MAD1L1: variants seen among roughly 807,000 people sequenced by gnomAD.
MAD1L1 encodes mitotic spindle assembly checkpoint protein MAD1.
A neutral mutation model predicts 96.9 loss-of-function variants in MAD1L1; 95 were observed. The observed-to-expected ratio is 0.98, with a 90% CI of 0.83 to 1.16. MAD1L1 has a LOEUF of 1.16. Ranked by LOEUF, MAD1L1 falls within the 50% of genes most tolerant of loss-of-function variation. The probability of loss-of-function intolerance (pLI) is 0.00; values close to 1 mark genes in which losing one functional copy is unlikely to be tolerated. For missense variants in MAD1L1, 1,007 were observed against 954.4 expected, an observed-to-expected ratio of 1.06 and a Z score of -0.73; for synonymous variants, 473 against 396.6, an observed-to-expected ratio of 1.19 and a Z score of -2.29.
intron 3 of MAD1L1, among the ~76,000 whole-genome samples, chr7:2,228,997 T>C (rs1794058413): frequency 6.6e-6 from 1 of 152,188 alleles, no homozygotes; most frequent in Admixed American, 6.5e-5. Flanking sequence ...CCTCCCAAAG[T>C]GCTGGGATTA....
chr7:2,036,752 G>A (rs1783454006), intron 12 of MAD1L1, among the ~76,000 whole-genome samples: 1 of 152,124 alleles, frequency 6.6e-6, no homozygotes, highest in Non-Finnish European at 1.5e-5. Flanking sequence ...CAGAGGTGCT[G>A]TAAAGACTCA....
chr7:2,138,091 C>T (rs1269012949), intron 11 of MAD1L1, among the ~76,000 whole-genome samples: 1 of 152,246 alleles, frequency 6.6e-6, no homozygotes, highest in Non-Finnish European at 1.5e-5. Flanking sequence ...CAGGGCTGCA[C>T]CCACGCTGCG....
intron 6 of MAD1L1, 35 bp downstream of exon 6, chr7:2,219,297 C>A: frequency 6.5e-7 from 1 of 1,532,818 alleles, no homozygotes; most frequent in South Asian, 1.2e-5. Context: ...CCACACGTGA[C>A]CCGACCCCCG....
In MAD1L1 at chr7:1,888,212, A is replaced by T. The variant is rs557066272; in HGVS notation, c.1998+9988T>A. On this transcript the variant is annotated intron_variant, in intron 18 of 18. Transcript: ENST00000265854. ...CATGCATGTATGTGGCTGCCTGTGC[A>T]TGTGTGTGCATGCATGCATGTATGT... Among the ~76,000 whole-genome samples, 6 of 136,642 alleles carry T rather than the reference A, an allele frequency of 4.4e-5. No individual in the cohort carries two copies. The East Asian group carries it at 1.4e-3, about 32-fold the overall frequency. The allele number at this position is 136,642 out of a possible 152,430, so 89.6% of individuals were successfully genotyped here. A position where few individuals can be genotyped will look rare whatever the true frequency, so the allele number is the denominator to read the frequency against.
chr7:1,975,047 C>T (rs1780572426), intron 15 of MAD1L1, among the ~76,000 whole-genome samples: 1 of 152,266 alleles, frequency 6.6e-6, no homozygotes, highest in African/African-American at 2.4e-5. Flanking sequence ...CTACCGGCAG[C>T]CAGGCAGTGG....
chr7:1,876,402 C>T (rs1785390223), intron 18 of MAD1L1, among the ~76,000 whole-genome samples: 1 of 148,400 alleles, frequency 6.7e-6, no homozygotes, highest in African/African-American at 2.5e-5. Context: ...CCCCTTTCCC[C>T]ACCGTCCTCA....
At chr7:2,190,386 A>G (rs1391067934) in intron 10 of MAD1L1, among the ~76,000 whole-genome samples, 1 of 152,252 alleles carries the variant, frequency 6.6e-6, no homozygotes, top group East Asian at 1.9e-4. Context: ...TTAACAGTAA[A>G]GTTAAAGCTA....
chr7:1,961,911 T>C (rs1040748572), intron 15 of MAD1L1, among the ~76,000 whole-genome samples: 1 of 148,602 alleles, frequency 6.7e-6, no homozygotes, highest in Admixed American at 6.6e-5. Context: ...CACAGGGCGG[T>C]TTCCCCCATA....
At chr7:2,051,557 C>A (rs1165322312) in intron 12 of MAD1L1, among the ~76,000 whole-genome samples, 2 of 152,120 alleles carry the variant, frequency 1.3e-5, no homozygotes, top group Non-Finnish European at 2.9e-5. Context: ...TGCAGAAAAG[C>A]CCAGGAACGA....
intron 12 of MAD1L1, among the ~76,000 whole-genome samples, chr7:2,043,410 G>C (rs948406153): frequency 2.0e-5 from 3 of 152,260 alleles, no homozygotes; most frequent in Non-Finnish European, 4.4e-5. Flanking sequence ...GCAAGGAAGA[G>C]CTCTTTAATT....
chr7:1,920,565 G>A (rs1430239095), intron 17 of MAD1L1, among the ~76,000 whole-genome samples: 1 of 152,242 alleles, frequency 6.6e-6, no homozygotes, highest in East Asian at 1.9e-4. Context: ...TGGGGTGGGC[G>A]GGGATGAACG....
At chr7:2,078,154 G>A (rs887845788) in intron 11 of MAD1L1, among the ~76,000 whole-genome samples, 3 of 152,312 alleles carry the variant, frequency 2.0e-5, no homozygotes, top group African/African-American at 7.2e-5. Flanking sequence ...GGCTCCTTGT[G>A]TATCTGAGGA....
At chr7:2,127,726 C>G (rs960840548) in intron 11 of MAD1L1, among the ~76,000 whole-genome samples, 1 of 152,168 alleles carries the variant, frequency 6.6e-6, no homozygotes, top group Non-Finnish European at 1.5e-5. Flanking sequence ...TACAATCTCA[C>G]GCCCACCAAA....
chr7:2,126,326 C>A (rs1275191717), intron 11 of MAD1L1, among the ~76,000 whole-genome samples: 4 of 152,302 alleles, frequency 2.6e-5, no homozygotes, highest in African/African-American at 9.6e-5. Context: ...GTAACAAGGG[C>A]AGCTTCGAAT....
intron 18 of MAD1L1, among the ~76,000 whole-genome samples, chr7:1,877,515 A>T (rs1359528237): frequency 6.6e-6 from 1 of 151,960 alleles, no homozygotes; most frequent in Non-Finnish European, 1.5e-5. Context: ...ATACGAGACA[A>T]AAAGAAAACA....
chr7:2,146,432 C>T lies in MAD1L1; in HGVS notation c.1073+2720G>A, dbSNP rs571832281. On this transcript the variant is annotated intron_variant, in intron 11 of 18. Transcript: ENST00000265854. The surrounding 1 kb of genome is among the most constrained non-coding windows in gnomAD (Gnocchi z 6.2). ...GGCTACGAGGAACAGGGCAGTGGAG[C>T]CGCACCCTGAGAAGCTCCTCAGATG... 2.0e-5 allele frequency among the ~76,000 whole-genome samples: 3 copies of T among 152,310 alleles called. No individual in the cohort carries two copies. Among genetic ancestry groups the T allele is most frequent in the Admixed American group, 6.5e-5 (1 of 15,302 alleles).
chr7:2,189,194 G>C (rs1252232913), intron 10 of MAD1L1, among the ~76,000 whole-genome samples: 1 of 152,168 alleles, frequency 6.6e-6, no homozygotes, highest in Non-Finnish European at 1.5e-5. Flanking sequence ...ATGATGTGGA[G>C]AAACTGGAAC....
At chr7:1,995,503 G>A (rs1781514877) in intron 14 of MAD1L1, among the ~76,000 whole-genome samples, 1 of 152,224 alleles carries the variant, frequency 6.6e-6, no homozygotes, top group African/African-American at 2.4e-5. Flanking sequence ...GTGTGGCTGA[G>A]GGAAGGGACC....
In MAD1L1 at chr7:1,996,878, G is replaced by A. The variant is rs183015598; in HGVS notation, c.1416+5187C>T. Among the ~76,000 whole-genome samples the A allele has an allele frequency of 2.1e-3, 166 of 77,652 alleles. 3 individuals carry two copies. The highest frequency in any genetic ancestry group is 5.7e-3 in the African/African-American group (157 of 27,388). The allele number at this position is 77,652 out of a possible 152,430, so 50.9% of individuals were successfully genotyped here. A position where few individuals can be genotyped will look rare whatever the true frequency, so the allele number is the denominator to read the frequency against. On this transcript the variant is annotated intron_variant, in intron 14 of 18. Coordinates refer to ENST00000265854, the MANE Select transcript of MAD1L1 (RefSeq NM_001013836.2). ...TAGAGGATATTTTAGAGCTGAGAGC[G>A]GCGTAATTCCCTCTGAATCGGAAAA... is the stretch of plus-strand genomic sequence containing the variant.
Sources: gnomAD v4.1 joint callset for allele counts (sites outside exome capture counted in the v4.1 genomes callset) on GRCh38, gnomAD v4.1.1 for gene constraint, Gnocchi (gnomAD v3.1) non-coding constraint, MANE v1.5 for transcripts, NCBI Gene and HGNC (gene_info 2026-07-23, HGNC 2026-07-21) for gene names.